LARGE1: variants seen among roughly 807,000 people sequenced by gnomAD.
LARGE1 encodes LARGE xylosyl- and glucuronyltransferase 1, also known as xylosyl- and glucuronyltransferase LARGE1.
LARGE1 carries 43 observed loss-of-function variants against 87.6 expected under a neutral mutation model. The ratio of observed to expected loss-of-function variants is 0.49; its 90% CI spans 0.38 to 0.63. LARGE1 has a LOEUF of 0.63. Ranked by LOEUF, LARGE1 falls within the 30% of genes least tolerant of loss-of-function variation. The probability of loss-of-function intolerance (pLI) is 0.00; values close to 1 mark genes in which losing one functional copy is unlikely to be tolerated. For missense variants in LARGE1, 802 were observed against 1,000.2 expected, an observed-to-expected ratio of 0.80 and a Z score of 2.67; for synonymous variants, 434 against 394.6, an observed-to-expected ratio of 1.10 and a Z score of -1.18.
chr22:33,380,737 C>T (rs2065129104), intron 9 of LARGE1, among the ~76,000 whole-genome samples: 1 of 152,212 alleles, frequency 6.6e-6, no homozygotes, highest in Admixed American at 6.5e-5. Context: ...GAAAAGCTAG[C>T]TTTGCAATCC....
At chr22:33,712,834 T>C (rs2082777024) in intron 2 of LARGE1, among the ~76,000 whole-genome samples, 1 of 152,168 alleles carries the variant, frequency 6.6e-6, no homozygotes, top group Admixed American at 6.5e-5. Context: ...AAATTTAAAT[T>C]ATGTTTCCAT....
rs145610004 is a variant in LARGE1, at chr22:33,683,895, G to A, written c.107-33227C>T. On this transcript the variant is annotated intron_variant, in intron 2 of 14. Coordinates refer to ENST00000397394, the MANE Select transcript of LARGE1 (RefSeq NM_133642.5). ...GGTCCAGAAGTACTAGAATGGAGCT[G>A]GGGGTTTACTGTAGGTAAAGCGCCA... Among the ~76,000 whole-genome samples the A allele has an allele frequency of 6.6e-3, 999 of 152,248 alleles. 9 individuals carry two copies. Among genetic ancestry groups the A allele is most frequent in the South Asian group, 0.037 (176 of 4,812 alleles).
intron 9 of LARGE1, among the ~76,000 whole-genome samples, chr22:33,344,910 C>CTGG (rs1939584608): frequency 6.6e-6 from 1 of 152,068 alleles, no homozygotes; most frequent in African/African-American, 2.4e-5. Flanking sequence ...GCAGGAAAAG[C>CTGG]TGGTGGTGTA....
intron 5 of LARGE1, among the ~76,000 whole-genome samples, chr22:33,601,324 G>A (rs1045322011): frequency 1.3e-5 from 2 of 151,842 alleles, no homozygotes; most frequent in Non-Finnish European, 2.9e-5. Context: ...GTGGAGCCAC[G>A]CTAGGGTGTG....
chr22:33,619,710 A>G (rs2079687823), intron 4 of LARGE1, among the ~76,000 whole-genome samples: 1 of 152,110 alleles, frequency 6.6e-6, no homozygotes. Flanking sequence ...ACGACTTACC[A>G]TCTTGTTCTT....
intron 6 of LARGE1, among the ~76,000 whole-genome samples, chr22:33,552,486 T>C (rs1697364530): frequency 1.3e-5 from 2 of 151,956 alleles, no homozygotes; most frequent in Non-Finnish European, 2.9e-5. Flanking sequence ...ATAGCAATGG[T>C]GCAGATGCTC....
At chr22:33,581,811 C>CAAAAAA (rs130418) in intron 5 of LARGE1, among the ~76,000 whole-genome samples, 3 of 77,400 alleles carry the variant, frequency 3.9e-5, no homozygotes, top group Non-Finnish European at 7.4e-5. Context: ...AACTCCGTCT[C>CAAAAAA]AAAAAAAAAA....
At chr22:33,335,577 A>C (rs1289336324) in intron 10 of LARGE1, among the ~76,000 whole-genome samples, 1 of 152,236 alleles carries the variant, frequency 6.6e-6, no homozygotes, top group Admixed American at 6.5e-5. Context: ...TAAAAACAGC[A>C]GCAACAACAA....
At chr22:33,872,769 G>T (rs1055356581) in intron 1 of LARGE1, among the ~76,000 whole-genome samples, 1 of 152,086 alleles carries the variant, frequency 6.6e-6, no homozygotes, top group African/African-American at 2.4e-5. Context: ...AGGCTGAGGC[G>T]GGTGGATGAC....
intron 1 of LARGE1, among the ~76,000 whole-genome samples, chr22:33,809,357 A>G (rs1483374124): frequency 6.6e-6 from 1 of 152,160 alleles, no homozygotes; most frequent in Non-Finnish European, 1.5e-5. Flanking sequence ...ACTTATGAAC[A>G]TACACAACTA....
chr22:33,550,610 A>T (rs939905346), intron 6 of LARGE1, among the ~76,000 whole-genome samples: 2 of 152,198 alleles, frequency 1.3e-5, no homozygotes, highest in Admixed American at 1.3e-4. Context: ...GTTGGTGGGA[A>T]TGTAAATTAG....
chr22:33,317,965 G>A (rs1936337814), intron 10 of LARGE1, among the ~76,000 whole-genome samples: 1 of 151,224 alleles, frequency 6.6e-6, no homozygotes, highest in African/African-American at 2.4e-5. Context: ...GGCCAGGCAC[G>A]GTGGCTCACG....
chr22:33,632,475 T>C (rs12168632), intron 3 of LARGE1, among the ~76,000 whole-genome samples: 9,918 of 152,130 alleles, frequency 0.065, 1,020 homozygotes, highest in African/African-American at 0.22. Context: ...CCTCTGATTT[T>C]GGGTTGAGTT....
At chr22:33,168,940 T>C (rs937349324) in intron 11 of LARGE1, among the ~76,000 whole-genome samples, 2 of 152,180 alleles carry the variant, frequency 1.3e-5, no homozygotes, top group African/African-American at 4.8e-5. Flanking sequence ...AATTCAACAG[T>C]AAATAATCCC....
At chr22:33,367,687 A>T (rs2064646377) in intron 9 of LARGE1, among the ~76,000 whole-genome samples, 1 of 152,054 alleles carries the variant, frequency 6.6e-6, no homozygotes, top group Non-Finnish European at 1.5e-5. Flanking sequence ...TCAGCCTCCC[A>T]AGTTGCTGGG....
intron 1 of LARGE1, among the ~76,000 whole-genome samples, chr22:33,765,324 T>C (rs922541158): frequency 6.6e-6 from 1 of 152,136 alleles, no homozygotes; most frequent in Non-Finnish European, 1.5e-5. Flanking sequence ...ATATTGAATA[T>C]TATGATTATT....
rs1222946980 is a variant in LARGE1, at chr22:33,848,528, CCA to C, written c.-83+71465_-83+71466del. 4.6e-4 allele frequency among the ~76,000 whole-genome samples: 70 copies of C among 152,098 alleles called. 1 individual carries two copies. Among genetic ancestry groups the C allele is most frequent in the Admixed American group, 4.6e-3 (70 of 15,264 alleles). On this transcript the variant is annotated intron_variant, in intron 1 of 14. Coordinates refer to ENST00000397394, the MANE Select transcript of LARGE1 (RefSeq NM_133642.5). ...AATAACCTGTCCCCACACCAGGAGC[CCA>C]CCCCAGCCTGACTCAAACTCTGCCT... is the stretch of plus-strand genomic sequence containing the variant.
the LARGE1 span, among the ~76,000 whole-genome samples, chr22:33,095,449 ACT>A: frequency 1.3e-5 from 2 of 152,122 alleles, no homozygotes; most frequent in Non-Finnish European, 2.9e-5. Flanking sequence ...GGTCCACCCT[ACT>A]CCAATATGAT....
At chr22:33,808,825 C>G (rs1329175914) in intron 1 of LARGE1, among the ~76,000 whole-genome samples, 5 of 152,198 alleles carry the variant, frequency 3.3e-5, no homozygotes, top group Non-Finnish European at 7.3e-5. Flanking sequence ...ACCATTAAAC[C>G]TATTTCCCCC....
Sources: allele counts gnomAD v4.1 joint callset (sites outside exome capture counted in the v4.1 genomes callset), GRCh38; gene constraint gnomAD v4.1.1; transcripts MANE v1.5; gene names NCBI Gene and HGNC (gene_info 2026-07-23, HGNC 2026-07-21).